CRACD: variants seen among roughly 807,000 people sequenced by gnomAD.
CRACD encodes capping protein-inhibiting regulator of actin dynamics.
A neutral mutation model predicts 106.8 loss-of-function variants in CRACD; 56 were observed. The ratio of observed to expected loss-of-function variants is 0.52; its 90% confidence interval spans 0.42 to 0.66. The LOEUF (loss-of-function observed/expected upper bound fraction) is 0.66, where lower values mean the gene tolerates loss of function less well. Among genes scored for constraint, CRACD ranks in the 30% least tolerant of loss-of-function variants. The pLI is 0.00. For synonymous variants in CRACD, 754 were observed against 670.8 expected, an observed-to-expected ratio of 1.12 and a Z score of -1.92; for missense variants, 1,730 against 1,623.2, an observed-to-expected ratio of 1.07 and a Z score of -1.13.
At chr4:56,223,536 G>A (rs971390277) in intron 2 of CRACD, among the ~76,000 whole-genome samples, 3 of 152,168 alleles carry the variant, frequency 2.0e-5, no homozygotes, top group Admixed American at 6.5e-5. Flanking sequence ...CTATCCTGGT[G>A]TCTGGTGTGA....
chr4:56,148,331 T>A (rs1421055724), intron 1 of CRACD, among the ~76,000 whole-genome samples: 1 of 151,992 alleles, frequency 6.6e-6, no homozygotes, highest in East Asian at 1.9e-4. Context: ...CCTGTGTTAC[T>A]CAGGCTGGAG....
intron 1 of CRACD, among the ~76,000 whole-genome samples, chr4:56,104,599 C>T (rs34048981): frequency 0.12 from 18,553 of 152,114 alleles, 1,191 homozygotes; most frequent in East Asian, 0.19. Flanking sequence ...TTGGGAACTG[C>T]ACGTTCCCAG....
At chr4:56,134,137 G>A (rs1734917977) in intron 1 of CRACD, among the ~76,000 whole-genome samples, 1 of 151,782 alleles carries the variant, frequency 6.6e-6, no homozygotes, top group Non-Finnish European at 1.5e-5. Flanking sequence ...GGAGGTGAAG[G>A]TTGTAGTGAG....
At chr4:56,265,124 T>C (rs1546679) in intron 2 of CRACD, among the ~76,000 whole-genome samples, 39,834 of 152,000 alleles carry the variant, frequency 0.26, 5,384 homozygotes, top group African/African-American at 0.27. Flanking sequence ...GGATTATGGG[T>C]CCCAGCAAAA....
intron 3 of CRACD, among the ~76,000 whole-genome samples, chr4:56,272,898 CAAAA>C (rs11434095): frequency 1.6e-5 from 2 of 124,974 alleles, no homozygotes; most frequent in Non-Finnish European, 1.7e-5. Flanking sequence ...GACTCTGCCT[CAAAA>C]AAAAAAAAAA....
At chr4:56,079,927 G>C (rs1732966912) in intron 1 of CRACD, among the ~76,000 whole-genome samples, 1 of 152,154 alleles carries the variant, frequency 6.6e-6, no homozygotes. Context: ...ATGGCTTGAG[G>C]GGGGATATAT....
intron 3 of CRACD, among the ~76,000 whole-genome samples, chr4:56,291,607 A>G (rs527498021): frequency 1.6e-4 from 24 of 152,224 alleles, no homozygotes; most frequent in Non-Finnish European, 3.2e-4. Flanking sequence ...AACCATGCTC[A>G]CCAAAGATTT....
chr4:56,070,386 G>A (rs1210074634), intron 1 of CRACD, among the ~76,000 whole-genome samples: 3 of 148,530 alleles, frequency 2.0e-5, no homozygotes, highest in Middle Eastern at 3.3e-3. Flanking sequence ...TGCAAGCTCC[G>A]CCTCCCGGGT....
intron 1 of CRACD, among the ~76,000 whole-genome samples, chr4:56,130,168 G>T (rs1339243761): frequency 2.6e-5 from 4 of 152,076 alleles, no homozygotes; most frequent in African/African-American, 9.7e-5. Context: ...CTACTTGGGA[G>T]GCTGAGGTGG....
intron 1 of CRACD, among the ~76,000 whole-genome samples, chr4:56,158,501 C>T (rs1357871158): frequency 6.6e-6 from 1 of 152,096 alleles, no homozygotes. Context: ...CTCAAAATAG[C>T]ATATTTCTGA....
At chr4:56,184,708 T>A (rs956696043) in intron 2 of CRACD, among the ~76,000 whole-genome samples, 2 of 152,184 alleles carry the variant, frequency 1.3e-5, no homozygotes, top group Non-Finnish European at 2.9e-5. Flanking sequence ...AACATTCAGG[T>A]AAGTACTCGG....
intron 3 of CRACD, among the ~76,000 whole-genome samples, chr4:56,293,478 G>A (rs1743812034): frequency 6.6e-6 from 1 of 152,206 alleles, no homozygotes; most frequent in African/African-American, 2.4e-5. Flanking sequence ...GTATTAGTGT[G>A]CTCTTGCACT....
intron 2 of CRACD, among the ~76,000 whole-genome samples, chr4:56,261,478 G>C (rs182520142): frequency 6.6e-5 from 10 of 150,946 alleles, no homozygotes. Context: ...AGCCTCCCCA[G>C]TAGCTTGGAT....
chr4:56,259,737 C>T (rs183896174), intron 2 of CRACD, among the ~76,000 whole-genome samples: 76 of 152,110 alleles, frequency 5.0e-4, no homozygotes, highest in Admixed American at 2.1e-3. Flanking sequence ...GACAGTCATC[C>T]GACCCCTGTG....
At chr4:56,209,495 A>C (rs1484005212) in intron 2 of CRACD, among the ~76,000 whole-genome samples, 2 of 152,056 alleles carry the variant, frequency 1.3e-5, no homozygotes, top group African/African-American at 2.4e-5. Flanking sequence ...AACTACATGA[A>C]CTCTTTAACC....
chr4:56,053,446 GA>G (rs1731939343), intron 1 of CRACD, among the ~76,000 whole-genome samples: 2 of 151,996 alleles, frequency 1.3e-5, no homozygotes, highest in Admixed American at 1.3e-4. Flanking sequence ...CGTTTTTCAG[GA>G]AATATATTTT....
intron 1 of CRACD, among the ~76,000 whole-genome samples, chr4:56,164,136 AT>A (rs34769096): frequency 0.45 from 64,116 of 141,216 alleles, 14,608 homozygotes; most frequent in African/African-American, 0.62. Flanking sequence ...ACAGGAGATA[AT>A]TTTTTTTTTT....
intron 1 of CRACD, among the ~76,000 whole-genome samples, chr4:56,096,214 T>C (rs975789857): frequency 6.6e-6 from 1 of 152,146 alleles, no homozygotes; most frequent in South Asian, 2.1e-4. Flanking sequence ...GAAGCATCAG[T>C]ATATAGTTGA....
chr4:56,303,713 C>A (rs930630139), intron 4 of CRACD, among the ~76,000 whole-genome samples: 5 of 152,188 alleles, frequency 3.3e-5, no homozygotes, highest in African/African-American at 1.2e-4. Flanking sequence ...CCTGTAGGGG[C>A]GAGGCCTTGG....
Sources: allele counts gnomAD v4.1 joint callset (sites outside exome capture counted in the v4.1 genomes callset), GRCh38; gene constraint gnomAD v4.1.1; transcripts MANE v1.5; gene names NCBI Gene and HGNC (gene_info 2026-07-23, HGNC 2026-07-21).